CWH43: variants seen among roughly 807,000 people sequenced by gnomAD.
CWH43 encodes the protein PGAP2-interacting protein.
CWH43 carries 91 observed loss-of-function variants against 85.7 expected under a neutral mutation model. The observed-to-expected ratio is 1.06, with a 90% CI of 0.90 to 1.26. CWH43 has a LOEUF of 1.26. Among genes scored for constraint, CWH43 ranks in the 50% most tolerant of loss-of-function variants. The pLI, the probability that CWH43 is intolerant of heterozygous loss-of-function variation, is 0.00. For missense variants in CWH43, 869 were observed against 839.2 expected (o/e 1.04, Z -0.44); for synonymous variants, 323 against 293.6 (o/e 1.10, Z -1.02).
In CWH43 at chr4:49,030,836, A is replaced by G. The variant is rs776757038; in HGVS notation, c.1384A>G (p.Ile462Val). The change falls in exon 11 of 16, where the codon ATA becomes GTA. Residue 462 changes from isoleucine (I) to valine (V), a missense_variant. By Grantham distance (29) the Ile-to-Val change is conservative (BLOSUM62 3). Coordinates refer to ENST00000226432, the MANE Select transcript of CWH43 (RefSeq NM_025087.3). ...HLLNETGADF[I>V]TILESDASKP... ...TTTTTTCTGAACAGGTGCAGATTTC[A>G]TAACAATTTTGGAGAGTGATGCTTC... The G allele has an allele frequency of 5.1e-6, 8 of 1,576,564 alleles. No individual in the cohort carries two copies. Among genetic ancestry groups the G allele is most frequent in the Middle Eastern group, 3.4e-4 (2 of 5,852 alleles).
chr4:49,060,574 C>T (rs1785121520), intron 15 of CWH43, among the ~76,000 whole-genome samples: 1 of 152,098 alleles, frequency 6.6e-6, no homozygotes, highest in South Asian at 2.1e-4. Flanking sequence ...TTACCCTATG[C>T]AGAGAGTATC....
At chr4:49,061,759 T>A (rs1211999999) in intron 15 of CWH43, 53 bp from the exon 16 acceptor site, 1 of 1,239,350 alleles carries the variant, frequency 8.1e-7, no homozygotes, top group East Asian at 3.3e-5. Flanking sequence ...AACATACCTT[T>A]CTGAATGGTT....
intron 4 of CWH43, among the ~76,000 whole-genome samples, chr4:48,993,502 C>G (rs1167292245): frequency 1.3e-5 from 2 of 152,140 alleles, no homozygotes; most frequent in African/African-American, 4.8e-5. Flanking sequence ...TAAGACCTTC[C>G]TTCTGTCCTG....
At chr4:49,034,896 A>T (rs961411778) in intron 12 of CWH43, among the ~76,000 whole-genome samples, 14 of 152,188 alleles carry the variant, frequency 9.2e-5, no homozygotes, top group African/African-American at 2.7e-4. Flanking sequence ...GCCATTACTA[A>T]ACCAAATCAG....
chr4:49,008,714 C>A (rs1783249762), intron 8 of CWH43, among the ~76,000 whole-genome samples: 1 of 152,200 alleles, frequency 6.6e-6, no homozygotes, highest in South Asian at 2.1e-4. Context: ...TTTCCCAGCA[C>A]CATTTGTTAA....
In CWH43 at chr4:48,998,430, A is replaced by C. The variant is rs578049659; in HGVS notation, c.714-30A>C. ...GGGATGATGAAATATTACTAATGTC[A>C]CATGTCTTAGAGCATGTCCTTTTTC... On this transcript the variant is annotated intron_variant, in intron 5 of 15. Transcript: ENST00000226432. The C allele has an allele frequency of 6.0e-6, 9 of 1,499,716 alleles. 1 individual carries two copies. In the South Asian group the frequency reaches 6.8e-5, roughly 11 times the overall value. 92.9% of individuals were successfully genotyped at this position (1,499,716 alleles called of 1,614,324 possible). A position where few individuals can be genotyped will look rare whatever the true frequency, so the allele number is the denominator to read the frequency against.
chr4:49,040,885 T>C (rs1182037243), intron 13 of CWH43, among the ~76,000 whole-genome samples: 6 of 152,232 alleles, frequency 3.9e-5, no homozygotes, highest in South Asian at 4.1e-4. Context: ...AGGTCTAACA[T>C]TGAAGTCTTT....
chr4:49,016,901 G>C (rs1265829731), intron 8 of CWH43: 2 of 784,586 alleles, frequency 2.5e-6, no homozygotes, highest in Non-Finnish European at 4.7e-6. Context: ...TAGCTCTGCA[G>C]TCTTTGATTA....
chr4:49,030,790 T>A (rs1784069839), intron 10 of CWH43, 35 bp from the exon 11 acceptor site: 2 of 1,513,202 alleles, frequency 1.3e-6, no homozygotes, highest in South Asian at 2.7e-5. Context: ...TTGCTGTGAT[T>A]CATCACTGTA....
At chr4:48,999,387 G>A (rs529671011) in intron 6 of CWH43, among the ~76,000 whole-genome samples, 55 of 152,254 alleles carry the variant, frequency 3.6e-4, no homozygotes, top group African/African-American at 9.4e-4. Flanking sequence ...ATAAACATAC[G>A]CGTGCATGTG....
intron 15 of CWH43, 114 bp downstream of exon 15, chr4:49,050,963 G>C (rs1348638676): frequency 1.4e-6 from 1 of 713,434 alleles, no homozygotes; most frequent in Non-Finnish European, 2.1e-6. Context: ...GTTTATTCCA[G>C]GTAAGGGAGA....
chr4:49,049,486 C>T (rs1247690812), intron 14 of CWH43, among the ~76,000 whole-genome samples: 1 of 151,880 alleles, frequency 6.6e-6, no homozygotes, highest in Admixed American at 6.6e-5. Flanking sequence ...CAGACCTCTG[C>T]TTCAAACCCC....
At chr4:49,030,153 G>A (rs1325763901) in intron 10 of CWH43, among the ~76,000 whole-genome samples, 10 of 152,208 alleles carry the variant, frequency 6.6e-5, no homozygotes, top group Non-Finnish European at 7.4e-5. Flanking sequence ...GCCTAGGGCC[G>A]ATTTGATTTG....
rs147498530 is a variant in CWH43, at chr4:49,044,683, T to C, written c.1804-103T>C. The C allele has an allele frequency of 1.7e-4, 137 of 826,998 alleles. 2 individuals carry two copies. In the East Asian group the frequency reaches 2.9e-3, roughly 18 times the overall value. The allele number at this position is 826,998 out of a possible 1,614,324, so 51.2% of individuals were successfully genotyped here. On this transcript the variant is annotated intron_variant, in intron 13 of 15. Coordinates refer to ENST00000226432, the MANE Select transcript of CWH43 (RefSeq NM_025087.3). ...TAGGAGCCAGGAAGAGAAAACAGCA[T>C]GTACAAAGAGATATTTATCATGTAG... is the stretch of plus-strand genomic sequence containing the variant.
intron 5 of CWH43, among the ~76,000 whole-genome samples, chr4:48,995,654 C>T (rs1198765493): frequency 6.6e-6 from 1 of 152,164 alleles, no homozygotes; most frequent in Non-Finnish European, 1.5e-5. Flanking sequence ...TGTTCTTCTT[C>T]CCCCATTCCC....
intron 13 of CWH43, among the ~76,000 whole-genome samples, chr4:49,040,120 C>T (rs1489390097): frequency 6.6e-6 from 1 of 152,084 alleles, no homozygotes; most frequent in Non-Finnish European, 1.5e-5. Flanking sequence ...GTATATGTGC[C>T]ACATTTTCTT....
At position 48,992,905 on chromosome 4, in the gene CWH43, T is replaced by A. The variant is rs1782699966; in HGVS notation, c.511+815T>A. ...TGAGAATAGAGGGAAATTATGTCAG[T>A]AAATTGGCCTTGTGATGTTAATAGT... On this transcript the variant is annotated intron_variant, in intron 4 of 15. Coordinates refer to ENST00000226432, the MANE Select transcript of CWH43 (RefSeq NM_025087.3). This position sits in a 1 kb window ranked among gnomAD's most constrained non-coding sequence, Gnocchi z 4.3. Among the ~76,000 whole-genome samples the A allele has an allele frequency of 6.6e-6, 1 of 152,214 alleles. No homozygotes were observed. The highest frequency in any genetic ancestry group is 1.5e-5 in the Non-Finnish European group (1 of 68,040).
At chr4:49,011,951 T>G (rs1333122732) in intron 8 of CWH43, among the ~76,000 whole-genome samples, 1 of 152,196 alleles carries the variant, frequency 6.6e-6, no homozygotes, top group East Asian at 1.9e-4. Context: ...GTCATGTGTC[T>G]TGGGGTTGCT....
At chr4:49,011,855 T>C (rs1783372537) in intron 8 of CWH43, among the ~76,000 whole-genome samples, 3 of 152,256 alleles carry the variant, frequency 2.0e-5, no homozygotes, top group Non-Finnish European at 2.9e-5. Flanking sequence ...GTTAGTCTGA[T>C]GGGCTTCCCT....
Sources: gnomAD v4.1 joint callset for allele counts (sites outside exome capture counted in the v4.1 genomes callset) on GRCh38, gnomAD v4.1.1 for gene constraint, Gnocchi (gnomAD v3.1) non-coding constraint, MANE v1.5 for transcripts, NCBI Gene and HGNC (gene_info 2026-07-23, HGNC 2026-07-21) for gene names.